The following AADACL4 variants were observed in gnomAD, a reference collection of about 807,000 sequenced individuals.
AADACL4 encodes the protein arylacetamide deacetylase-like 4.
AADACL4 carries 9 observed loss-of-function variants against 14.1 expected under a neutral mutation model. The observed-to-expected ratio is 0.64, with a 90% CI of 0.39 to 1.12. The LOEUF is 1.12. Among genes scored for constraint, AADACL4 ranks in the 50% most tolerant of loss-of-function variants. AADACL4 has a pLI of 0.01. For synonymous variants in AADACL4, 188 were observed against 201.6 expected (o/e 0.93, Z 0.57); for missense variants, 531 against 516.1 (o/e 1.03, Z -0.28).
intron 3 of AADACL4, among the ~76,000 whole-genome samples, chr1:12,664,376 CT>C (rs371707579): frequency 2.1e-4 from 31 of 146,760 alleles, no homozygotes; most frequent in African/African-American, 3.5e-4. Context: ...TGTTTTCTTT[CT>C]TTTTTTTTTG....
rs757943582 is a variant in AADACL4 at position 12,666,090 on chromosome 1, C to A, written c.579C>A (p.Ser193Arg). 5 of 1,614,212 alleles carry A rather than the reference C, an allele frequency of 3.1e-6. No homozygotes were observed. Among genetic ancestry groups the A allele is most frequent in the Non-Finnish European group, 4.2e-6 (5 of 1,180,050 alleles). Reference sequence around the variant, plus strand: ...CCAGGGTTGTGGTCTGTGGAGAAAGCGTCGGAGGTGCAGCGGTGGCCGCCA... The same window carrying A: ...CCAGGGTTGTGGTCTGTGGAGAAAGAGTCGGAGGTGCAGCGGTGGCCGCCA... ...DPSRVVVCGE[S>R]VGGAAVAAIT... The change falls in exon 4 of 4, where the codon AGC becomes AGA. Residue 193 changes from serine (S) to arginine (R), a missense_variant. Ser to Arg is a moderately radical substitution (Grantham distance 110). Transcript: ENST00000376221.
At chr1:12,656,105 G>T (rs151209760) in intron 2 of AADACL4, among the ~76,000 whole-genome samples, 1 of 152,238 alleles carries the variant, frequency 6.6e-6, no homozygotes, top group African/African-American at 2.4e-5. Context: ...TCCCAAAGGG[G>T]AGTTGACAGA....
chr1:12,648,765 C>G (rs1410024882), intron 1 of AADACL4, among the ~76,000 whole-genome samples: 1 of 152,104 alleles, frequency 6.6e-6, no homozygotes, highest in Admixed American at 6.6e-5. Context: ...AATCAGTTTT[C>G]CTCTCTGCCT....
Position 12,651,116 on chromosome 1 carries a change from C to G in AADACL4, c.169-7C>G. 1.2e-6 allele frequency: 2 copies of G among 1,613,594 alleles called. No individual in the cohort carries two copies. Among genetic ancestry groups the G allele is most frequent in the Non-Finnish European group, 1.7e-6 (2 of 1,179,544 alleles). ...AACGTCTGGCTTTCTTTTGTTACCT[C>G]CAACAGGGGAATATATTTGAGAAGC... On this transcript the variant is annotated splice_polypyrimidine_tract_variant and splice_region_variant and intron_variant, in intron 1 of 3. Transcript: ENST00000376221.
intron 1 of AADACL4, among the ~76,000 whole-genome samples, chr1:12,648,173 T>C (rs1647123057): frequency 6.6e-6 from 1 of 152,072 alleles, no homozygotes; most frequent in Admixed American, 6.5e-5. Context: ...GGTTTCACCA[T>C]GTTAGCCAGG....
In AADACL4 at chr1:12,666,884, G is replaced by A. The variant is rs1427051995; in HGVS notation, c.*149G>A. The A allele has an allele frequency of 3.0e-5, 23 of 773,176 alleles. No homozygotes were observed. The highest frequency in any genetic ancestry group is 2.4e-4 in the East Asian group (9 of 37,198). The allele number at this position is 773,176 out of a possible 1,614,324, so 47.9% of individuals were successfully genotyped here. A position where few individuals can be genotyped will look rare whatever the true frequency, so the allele number is the denominator to read the frequency against. On this transcript the variant is annotated 3_prime_UTR_variant, in exon 4 of 4. Transcript: ENST00000376221. ...GGGTGAGAAGTAAGCTAACAGTCTT[G>A]CTTAGTATTCAAGAAAATCCAAACT...
intron 1 of AADACL4, among the ~76,000 whole-genome samples, chr1:12,650,051 A>G (rs1311613800): frequency 2.0e-5 from 3 of 152,202 alleles, no homozygotes; most frequent in Non-Finnish European, 4.4e-5. Context: ...TAATCAAGTT[A>G]ATGATCCAAG....
chr1:12,663,773 G>T (rs1285727975), intron 3 of AADACL4, among the ~76,000 whole-genome samples: 1 of 152,112 alleles, frequency 6.6e-6, no homozygotes, highest in Non-Finnish European at 1.5e-5. Context: ...GAAAGCTGAG[G>T]TTTGTACTCT....
At chr1:12,664,436 G>A (rs1017321494) in intron 3 of AADACL4, among the ~76,000 whole-genome samples, 2 of 150,268 alleles carry the variant, frequency 1.3e-5, no homozygotes, top group South Asian at 2.1e-4. Context: ...GCACAATCTC[G>A]GCTCACTGCA....
At chr1:12,645,462 T>C (rs1476803788) in intron 1 of AADACL4, among the ~76,000 whole-genome samples, 1 of 152,132 alleles carries the variant, frequency 6.6e-6, no homozygotes, top group Non-Finnish European at 1.5e-5. Context: ...TCCCCGGGCT[T>C]GTGGCCTGAC....
chr1:12,660,068 T>C (rs904743649), intron 2 of AADACL4, among the ~76,000 whole-genome samples: 1 of 152,254 alleles, frequency 6.6e-6, no homozygotes, highest in Non-Finnish European at 1.5e-5. Context: ...TCCCCCCACC[T>C]TGGCCTTCCA....
chr1:12,652,957 C>T (rs1647158584), intron 2 of AADACL4, among the ~76,000 whole-genome samples: 1 of 152,174 alleles, frequency 6.6e-6, no homozygotes, highest in Non-Finnish European at 1.5e-5. Flanking sequence ...GAAACCGCTG[C>T]CTGGAATTTT....
In AADACL4 at chr1:12,651,285, C is replaced by G; in HGVS notation, c.331C>G (p.Pro111Ala). ...CCAGCCGAAGGCAGCATCCTCCAGACCCCGGCGAGGCATCATCTTCTACCA... is the reference window on the plus strand; with the variant it reads ...CCAGCCGAAGGCAGCATCCTCCAGAGCCCGGCGAGGCATCATCTTCTACCA... ...LFQPKAASSR[P>A]RRGIIFYHGG... The change falls in exon 2 of 4, where the codon CCC (proline) becomes GCC (alanine). Residue 111 changes from proline (P) to alanine (A), a missense_variant. Physicochemically the swap from Pro to Ala is conservative, Grantham distance 27. Coordinates refer to ENST00000376221, the MANE Select transcript of AADACL4 (RefSeq NM_001013630.2). 6.2e-7 allele frequency: 1 copy of G among 1,614,206 alleles called. No homozygotes were observed. Among genetic ancestry groups the G allele is most frequent in the Non-Finnish European group, 8.5e-7 (1 of 1,180,040 alleles).
chr1:12,649,582 C>T (rs879074478), intron 1 of AADACL4, among the ~76,000 whole-genome samples: 1 of 152,124 alleles, frequency 6.6e-6, no homozygotes, highest in Non-Finnish European at 1.5e-5. Context: ...TTTGGAGTTC[C>T]TTTAGGAGGA....
intron 1 of AADACL4, among the ~76,000 whole-genome samples, chr1:12,648,963 C>A (rs1407637079): frequency 6.6e-6 from 1 of 152,194 alleles, no homozygotes; most frequent in Non-Finnish European, 1.5e-5. Flanking sequence ...ATCCCCTAAA[C>A]AAACGTTTCC....
intron 1 of AADACL4, among the ~76,000 whole-genome samples, chr1:12,648,388 C>CCTTTCTTTCTTT (rs1308431699): frequency 6.8e-6 from 1 of 146,752 alleles, no homozygotes; most frequent in African/African-American, 2.6e-5. Flanking sequence ...TTCCTTCCTT[C>CCTTTCTTTCTTT]CTTTCTTTCC....
At chr1:12,661,693 CCCACA>C in intron 2 of AADACL4, 93 bp from the exon 3 acceptor site, 1 of 1,251,708 alleles carries the variant, frequency 8.0e-7, no homozygotes, top group Non-Finnish European at 1.2e-6. Context: ...GATGCCACAC[CCCACA>C]CCAAGACTGT....
rs1366538387 is a variant in AADACL4, at chr1:12,658,112, C to CT, written c.386-3677dup. 3.2e-3 allele frequency among the ~76,000 whole-genome samples: 193 copies of CT among 59,832 alleles called. 4 individuals carry two copies. The highest frequency in any genetic ancestry group is 0.017 in the African/African-American group (180 of 10,690). The allele number at this position is 59,832 out of a possible 152,430, so 39.3% of individuals were successfully genotyped here. On this transcript the variant is annotated intron_variant, in intron 2 of 3. Coordinates refer to ENST00000376221, the MANE Select transcript of AADACL4 (RefSeq NM_001013630.2). Reference sequence around the variant, plus strand: ...TTCTCTTTCTTTCTCTCTTTCTTTCCTTCCTTCCTTCCTTCCTTCCTTCCT... The same window carrying CT: ...TTCTCTTTCTTTCTCTCTTTCTTTCCTTTCCTTCCTTCCTTCCTTCCTTCCT...
chr1:12,649,705 C>G (rs1408888972), intron 1 of AADACL4, among the ~76,000 whole-genome samples: 1 of 152,176 alleles, frequency 6.6e-6, no homozygotes, highest in African/African-American at 2.4e-5. Flanking sequence ...ACTGGGGAGA[C>G]ACTCTATGTA....
Sources: allele counts gnomAD v4.1 joint callset (sites outside exome capture counted in the v4.1 genomes callset), GRCh38; gene constraint gnomAD v4.1.1; transcripts MANE v1.5; gene names NCBI Gene and HGNC (gene_info 2026-07-23, HGNC 2026-07-21).